The following METTL15 variants were observed in gnomAD, a reference collection of about 807,000 sequenced individuals.
METTL15 encodes methyltransferase 15, mitochondrial 12S rRNA N4-cytidine.
METTL15 carries 34 observed loss-of-function variants against 38.3 expected under a neutral mutation model. The observed-to-expected ratio is 0.89, with a 90% CI of 0.68 to 1.18. METTL15 has a LOEUF of 1.18. Among genes scored for constraint, METTL15 ranks in the 50% most tolerant of loss-of-function variants. The probability of loss-of-function intolerance (pLI) is 0.00; values close to 1 mark genes in which losing one functional copy is unlikely to be tolerated. For synonymous variants in METTL15, 162 were observed against 170.9 expected, an observed-to-expected ratio of 0.95 and a Z score of 0.41; for missense variants, 438 against 498.4, an observed-to-expected ratio of 0.88 and a Z score of 1.15.
intron 4 of METTL15, among the ~76,000 whole-genome samples, chr11:28,214,983 A>G (rs956916421): frequency 1.3e-5 from 2 of 152,182 alleles, no homozygotes; most frequent in East Asian, 1.9e-4. Flanking sequence ...TAACAAATTT[A>G]TTTGACATAG....
chr11:28,314,742 C>A (rs1395415276), intron 6 of METTL15, among the ~76,000 whole-genome samples: 1 of 152,140 alleles, frequency 6.6e-6, no homozygotes, highest in Non-Finnish European at 1.5e-5. Context: ...TCCCATAATT[C>A]CCATGTATTG....
At chr11:28,300,507 G>A (rs1464820281) in intron 6 of METTL15, among the ~76,000 whole-genome samples, 1 of 152,094 alleles carries the variant, frequency 6.6e-6, no homozygotes, top group African/African-American at 2.4e-5. Context: ...TACAGTTCCA[G>A]TACTCTTCCA....
intron 4 of METTL15, among the ~76,000 whole-genome samples, chr11:28,227,388 C>T (rs1376674254): frequency 6.6e-6 from 1 of 151,666 alleles, no homozygotes; most frequent in Non-Finnish European, 1.5e-5. Context: ...ATATCAGGAT[C>T]TAATCTAGTT....
At chr11:28,188,294 G>C (rs1851578600) in intron 3 of METTL15, among the ~76,000 whole-genome samples, 1 of 151,162 alleles carries the variant, frequency 6.6e-6, no homozygotes, top group South Asian at 2.1e-4. Flanking sequence ...TTAATACTCT[G>C]ACAAAGTCTT....
At chr11:28,255,729 G>A (rs1455628848) in intron 4 of METTL15, among the ~76,000 whole-genome samples, 3 of 152,150 alleles carry the variant, frequency 2.0e-5, no homozygotes, top group African/African-American at 7.2e-5. Flanking sequence ...TTGAGACGGA[G>A]TTTCGCTCTT....
intron 3 of METTL15, among the ~76,000 whole-genome samples, chr11:28,157,080 T>C (rs1267301591): frequency 6.6e-6 from 1 of 152,190 alleles, no homozygotes; most frequent in African/African-American, 2.4e-5. Context: ...TAATACTGAG[T>C]GTCAACTTGA....
chr11:28,376,750 A>C (rs1374387512), intron 5 of METTL15, among the ~76,000 whole-genome samples: 1 of 150,696 alleles, frequency 6.6e-6, no homozygotes, highest in Admixed American at 6.6e-5. Flanking sequence ...GTTTCTTCGT[A>C]GTCTCGATGG....
At chr11:28,447,059 TA>T (rs35287256) in intron 6 of METTL15, among the ~76,000 whole-genome samples, 70,124 of 151,938 alleles carry the variant, frequency 0.46, 16,819 homozygotes, top group Admixed American at 0.55. Flanking sequence ...AGAGATTATT[TA>T]AAAAAACACC....
intron 5 of METTL15, among the ~76,000 whole-genome samples, chr11:28,396,204 C>T (rs143522689): frequency 0.013 from 1,948 of 152,294 alleles, 52 homozygotes; most frequent in African/African-American, 0.044. Flanking sequence ...TGCCCTCTCT[C>T]ACCACTCCTA....
At position 28,463,288 on chromosome 11, in the gene METTL15, C is replaced by T. The variant is rs566270225; in HGVS notation, c.*424+38924C>T. Among the ~76,000 whole-genome samples, 9 of 152,052 alleles carry T rather than the reference C, an allele frequency of 5.9e-5. No homozygotes were observed. The East Asian group carries it at 1.7e-3, about 29-fold the overall frequency. Reference sequence around the variant, plus strand: ...GAGCCTCTCTTATTTAGAATACCACCCAAAACAAGAAATGAAGTCAAAAGG... The same window carrying T: ...GAGCCTCTCTTATTTAGAATACCACTCAAAACAAGAAATGAAGTCAAAAGG... On this transcript the variant is annotated intron_variant and NMD_transcript_variant, in intron 6 of 7. Coordinates refer to the METTL15 transcript ENST00000532947.
chr11:28,394,507 A>T (rs1004594663), intron 5 of METTL15, among the ~76,000 whole-genome samples: 3 of 152,030 alleles, frequency 2.0e-5, no homozygotes, highest in African/African-American at 7.2e-5. Flanking sequence ...TATAAAAAGG[A>T]GTGTGGTCTT....
At position 28,148,523 on chromosome 11, in the gene METTL15, T is replaced by C. The variant is rs1393674472; in HGVS notation, c.270+34919T>C. On this transcript the variant is annotated intron_variant, in intron 3 of 6. Coordinates refer to ENST00000407364, the MANE Select transcript of METTL15 (RefSeq NM_001113528.2). ...TGATTCTATGTTCTATCAGCATTAT[T>C]TAATTCTGTAATATTGGGTCATGCT... Among the ~76,000 whole-genome samples the C allele has an allele frequency of 2.0e-5, 3 of 151,954 alleles. No homozygotes were observed. The East Asian group carries it at 5.8e-4, about 29-fold the overall frequency.
Position 28,222,405 on chromosome 11 carries a change from C to T in METTL15, c.407+11207C>T, listed in dbSNP as rs1037084871. 9.8e-5 allele frequency among the ~76,000 whole-genome samples: 15 copies of T among 152,326 alleles called. 2 individuals are homozygous for T. The South Asian group carries it at 1.9e-3, about 19-fold the overall frequency. ...CTGTTTGCTAAGACCGTCAGAAAAG[C>T]GCAGTATTAGGGTGGGAGTAACCCG... On this transcript the variant is annotated intron_variant, in intron 4 of 6. Coordinates refer to ENST00000407364, the MANE Select transcript of METTL15 (RefSeq NM_001113528.2).
At chr11:28,404,595 A>G (rs1304950915) in intron 5 of METTL15, among the ~76,000 whole-genome samples, 3 of 152,120 alleles carry the variant, frequency 2.0e-5, no homozygotes, top group Non-Finnish European at 4.4e-5. Flanking sequence ...TCCTAGCACC[A>G]TCACATTGGT....
chr11:28,140,029 AGCATGT>A, intron 3 of METTL15, among the ~76,000 whole-genome samples: 1 of 152,188 alleles, frequency 6.6e-6, no homozygotes, highest in East Asian at 1.9e-4. Flanking sequence ...TGTTGGATGG[AGCATGT>A]GCATGTGCAG....
At chr11:28,373,551 C>G (rs959929933) in intron 5 of METTL15, among the ~76,000 whole-genome samples, 7 of 152,180 alleles carry the variant, frequency 4.6e-5, no homozygotes, top group South Asian at 2.1e-4. Context: ...CAAAAATTTT[C>G]TCCCATTTTG....
rs1435860365 is a variant in METTL15, at chr11:28,182,475, GC to G, written c.271-28586del. 5.3e-5 allele frequency among the ~76,000 whole-genome samples: 8 copies of G among 151,926 alleles called. No individual in the cohort carries two copies. In the East Asian group the frequency reaches 1.6e-3, roughly 30 times the overall value. ...GTCCAGTTTCAGTTTTCTGCCTAGG[GC>G]TAGCCTGTTTTCCCTACACCATATA... is the stretch of plus-strand genomic sequence containing the variant. On this transcript the variant is annotated intron_variant, in intron 3 of 6. Coordinates refer to ENST00000407364, the MANE Select transcript of METTL15 (RefSeq NM_001113528.2).
At chr11:28,240,057 A>G (rs1446073044) in intron 4 of METTL15, among the ~76,000 whole-genome samples, 2 of 152,174 alleles carry the variant, frequency 1.3e-5, no homozygotes, top group Non-Finnish European at 2.9e-5. Flanking sequence ...AAAGGGATCA[A>G]TCAAGCAACA....
intron 6 of METTL15, among the ~76,000 whole-genome samples, chr11:28,327,117 G>T (rs535121749): frequency 3.3e-5 from 5 of 152,222 alleles, no homozygotes; most frequent in African/African-American, 1.2e-4. Flanking sequence ...CCCCAGAGAA[G>T]TACCAAAAAA....
Sources: allele counts gnomAD v4.1 joint callset (sites outside exome capture counted in the v4.1 genomes callset), GRCh38; gene constraint gnomAD v4.1.1; transcripts MANE v1.5; gene names NCBI Gene and HGNC (gene_info 2026-07-23, HGNC 2026-07-21).